The following CUL1 variants were observed in gnomAD, a reference collection of about 807,000 sequenced individuals.
CUL1 encodes the protein cullin-1.
A neutral mutation model predicts 118.0 loss-of-function variants in CUL1; 24 were observed. The observed-to-expected ratio is 0.20, with a 90% CI of 0.15 to 0.29. The LOEUF (loss-of-function observed/expected upper bound fraction) is 0.29, where lower values mean the gene tolerates loss of function less well. Ranked by LOEUF, CUL1 falls within the 10% of genes least tolerant of loss-of-function variation. The pLI is 1.00. For synonymous variants in CUL1, 332 were observed against 340.4 expected, an observed-to-expected ratio of 0.98 and a Z score of 0.27; for missense variants, 361 against 933.8, an observed-to-expected ratio of 0.39 and a Z score of 7.99.
At chr7:148,741,869 C>T (rs568891661) in intron 2 of CUL1, among the ~76,000 whole-genome samples, 10 of 152,364 alleles carry the variant, frequency 6.6e-5, no homozygotes, top group South Asian at 2.1e-4. Context: ...CCACCACATC[C>T]GGCTCAACAC....
At chr7:148,754,413 TC>T (rs1189711021) in intron 3 of CUL1, among the ~76,000 whole-genome samples, 1 of 152,078 alleles carries the variant, frequency 6.6e-6, no homozygotes, top group African/African-American at 2.4e-5. Flanking sequence ...GCTCAAGTGA[TC>T]CTTCCACTTC....
chr7:148,768,943 T>C (rs1375198834), intron 9 of CUL1, among the ~76,000 whole-genome samples: 1 of 152,184 alleles, frequency 6.6e-6, no homozygotes, highest in African/African-American at 2.4e-5. Flanking sequence ...AAAACAATTT[T>C]ATGCTCACAA....
intron 2 of CUL1, among the ~76,000 whole-genome samples, chr7:148,733,697 C>A (rs1798845206): frequency 6.6e-6 from 1 of 152,118 alleles, no homozygotes; most frequent in Non-Finnish European, 1.5e-5. Flanking sequence ...TATCACTCTG[C>A]AAAATTAGAC....
At chr7:148,760,287 A>G (rs768879224) in intron 6 of CUL1, 46 bp from the exon 7 acceptor site, 4 of 1,528,096 alleles carry the variant, frequency 2.6e-6, no homozygotes, top group Non-Finnish European at 3.5e-6. Context: ...GTGAAATATA[A>G]CCAAAAAAAT....
chr7:148,749,977 A>T (rs530583584), intron 2 of CUL1, among the ~76,000 whole-genome samples: 1 of 152,228 alleles, frequency 6.6e-6, no homozygotes, highest in Non-Finnish European at 1.5e-5. Context: ...GTCTGGATAG[A>T]AGATCAAACC....
In CUL1 at chr7:148,800,406, G is replaced by A; in HGVS notation, c.2251-96G>A. 1.1e-6 allele frequency: 1 copy of A among 952,372 alleles called. No homozygotes were observed. The highest frequency in any genetic ancestry group is 1.7e-6 in the Non-Finnish European group (1 of 600,784). The allele number at this position is 952,372 out of a possible 1,614,324, so 59.0% of individuals were successfully genotyped here. ...GCTCCCCACTGAGCTCCGAATCAGG[G>A]GAGATTTGTGGTGGGGGCAGCCTCT... On this transcript the variant is annotated intron_variant, in intron 21 of 21. Coordinates refer to ENST00000325222, the MANE Select transcript of CUL1 (RefSeq NM_003592.3). The surrounding 1 kb of genome is among the most constrained non-coding windows in gnomAD (Gnocchi z 4.6).
chr7:148,746,912 C>G (rs1156718913), intron 2 of CUL1, among the ~76,000 whole-genome samples: 1 of 152,196 alleles, frequency 6.6e-6, no homozygotes, highest in African/African-American at 2.4e-5. Flanking sequence ...GCTGCGTACT[C>G]TATCTTCAGG....
At chr7:148,734,029 CAAAAA>C (rs539507792) in intron 2 of CUL1, among the ~76,000 whole-genome samples, 1 of 119,024 alleles carries the variant, frequency 8.4e-6, no homozygotes, top group Admixed American at 8.6e-5. Context: ...TTGGAAAAGC[CAAAAA>C]AAAAAAGAAA....
chr7:148,790,162 A>G, intron 15 of CUL1, 148 bp from the exon 16 acceptor site: 1 of 858,870 alleles, frequency 1.2e-6, no homozygotes, highest in Non-Finnish European at 1.9e-6. Flanking sequence ...GTGCTTTACA[A>G]GAGAGGCAGA....
At chr7:148,764,274 G>A (rs1799932284) in intron 7 of CUL1, among the ~76,000 whole-genome samples, 2 of 152,126 alleles carry the variant, frequency 1.3e-5, no homozygotes, top group African/African-American at 4.8e-5. Flanking sequence ...ACAACAGTCT[G>A]CCAAGTACAG....
intron 1 of CUL1, among the ~76,000 whole-genome samples, chr7:148,719,770 T>C (rs1798340528): frequency 6.6e-6 from 1 of 152,226 alleles, no homozygotes; most frequent in African/African-American, 2.4e-5. Context: ...GAACTATTCG[T>C]TGGCAGCAGT....
chr7:148,736,093 G>T (rs1365141358), intron 2 of CUL1, among the ~76,000 whole-genome samples: 1 of 151,536 alleles, frequency 6.6e-6, no homozygotes, highest in Non-Finnish European at 1.5e-5. Flanking sequence ...AGAAACACTT[G>T]CGCCTGGGAG....
chr7:148,786,130 C>T (rs1242167046), intron 11 of CUL1, among the ~76,000 whole-genome samples: 1 of 152,080 alleles, frequency 6.6e-6, no homozygotes, highest in African/African-American at 2.4e-5. Context: ...AATTTAAACC[C>T]CTTCATCATC....
chr7:148,698,144 T>C (rs1000187366), upstream of CUL1: 1 of 151,990 alleles, frequency 6.6e-6, no homozygotes, highest in Non-Finnish European at 1.5e-5. Flanking sequence ...GCCTTGCAGG[T>C]GGTAAGGGGG....
intron 17 of CUL1, among the ~76,000 whole-genome samples, chr7:148,793,564 G>A (rs750621362): frequency 2.6e-5 from 4 of 152,164 alleles, no homozygotes; most frequent in Non-Finnish European, 5.9e-5. Flanking sequence ...TTCTGTGCCT[G>A]CCTTCTTTCC....
chr7:148,797,421 G>GGC (rs1359864670), intron 17 of CUL1, among the ~76,000 whole-genome samples: 1 of 147,562 alleles, frequency 6.8e-6, no homozygotes, highest in Non-Finnish European at 1.5e-5. Context: ...AAATGCTCAT[G>GGC]GCGCAGTTGA....
intron 1 of CUL1, among the ~76,000 whole-genome samples, chr7:148,706,799 A>G (rs904955203): frequency 1.3e-5 from 2 of 152,008 alleles, no homozygotes; most frequent in Non-Finnish European, 2.9e-5. Context: ...GGTCACTGGT[A>G]TTTTTATAAT....
intron 9 of CUL1, among the ~76,000 whole-genome samples, chr7:148,772,657 C>A (rs1800253524): frequency 6.6e-6 from 1 of 152,196 alleles, no homozygotes; most frequent in South Asian, 2.1e-4. Flanking sequence ...TTGTCCTTGT[C>A]ACATCTCCGT....
chr7:148,775,004 G>T (rs1029681759), intron 9 of CUL1, among the ~76,000 whole-genome samples: 1 of 152,222 alleles, frequency 6.6e-6, no homozygotes, highest in African/African-American at 2.4e-5. Context: ...TTCAATGGAA[G>T]ACTAAGGGGT....
Sources: gnomAD v4.1 joint callset for allele counts (sites outside exome capture counted in the v4.1 genomes callset) on GRCh38, gnomAD v4.1.1 for gene constraint, Gnocchi (gnomAD v3.1) non-coding constraint, MANE v1.5 for transcripts, NCBI Gene and HGNC (gene_info 2026-07-23, HGNC 2026-07-21) for gene names.